Variants in RYR2 observed in about 807,000 individuals in gnomAD.
The protein encoded by RYR2 is ryanodine receptor 2.
RYR2 carries 227 observed loss-of-function variants against 601.1 expected under a neutral mutation model. The ratio of observed to expected loss-of-function variants is 0.38; its 90% CI spans 0.34 to 0.42. The LOEUF (loss-of-function observed/expected upper bound fraction) is 0.42. Among genes scored for constraint, RYR2 ranks in the 10% least tolerant of loss-of-function variants. RYR2 has a pLI of 1.00. For synonymous variants in RYR2, 2,223 were observed against 2,175.1 expected (o/e 1.02, Z -0.61); for missense variants, 4,646 against 6,156.5 (o/e 0.75, Z 8.21).
At chr1:237,195,143 C>T (rs1050794003) in intron 1 of RYR2, among the ~76,000 whole-genome samples, 8 of 152,068 alleles carry the variant, frequency 5.3e-5, no homozygotes, top group South Asian at 2.1e-4. Context: ...AAAAGTTGAA[C>T]GTGCTCATTG....
At chr1:237,550,086 G>A (rs1176748846) in intron 26 of RYR2, among the ~76,000 whole-genome samples, 1 of 152,182 alleles carries the variant, frequency 6.6e-6, no homozygotes, top group Non-Finnish European at 1.5e-5. Context: ...GGACATAGAA[G>A]GGTGGTCCAT....
At chr1:237,547,474 C>T (rs1256259940) in intron 25 of RYR2, among the ~76,000 whole-genome samples, 1 of 152,072 alleles carries the variant, frequency 6.6e-6, no homozygotes, top group African/African-American at 2.4e-5. Flanking sequence ...AGGCTGTTAT[C>T]TGCTGGGAAC....
chr1:237,566,200 G>A (rs180880496), intron 27 of RYR2, among the ~76,000 whole-genome samples: 4 of 152,082 alleles, frequency 2.6e-5, no homozygotes, highest in African/African-American at 4.8e-5. Flanking sequence ...AGAGCAGTTC[G>A]GATCTTTTTT....
intron 93 of RYR2, 54 bp downstream of exon 93, chr1:237,791,569 A>C (rs1658382248): frequency 5.5e-6 from 5 of 914,038 alleles, no homozygotes; most frequent in Non-Finnish European, 8.8e-6. Context: ...ATAGAAATGA[A>C]TGTAAAGATT....
intron 3 of RYR2, among the ~76,000 whole-genome samples, chr1:237,337,939 T>G (rs58201575): frequency 0.14 from 21,432 of 152,114 alleles, 1,728 homozygotes; most frequent in East Asian, 0.34. Flanking sequence ...CAATCTCCAT[T>G]GGCTAAAATC....
In RYR2 at chr1:237,503,336, C is replaced by T. The variant is rs537596448; in HGVS notation, c.2444C>T (p.Pro815Leu). ...CGACATGGAGAATTCAAATTTCTTC[C>T]TCCACCTGGGTATGCTCCTTGTTAT... ...GGRHGEFKFL[P>L]PPGYAPCYEA... The change falls in exon 22 of 105, where the codon CCT (proline) becomes CTT (leucine). Residue 815 changes from proline to leucine, a missense_variant. Pro to Leu is a moderately conservative substitution (Grantham distance 98). Coordinates refer to ENST00000366574, the MANE Select transcript of RYR2 (RefSeq NM_001035.3). 8 of 1,613,618 alleles carry T rather than the reference C, an allele frequency of 5.0e-6. No homozygotes were observed. Among genetic ancestry groups the T allele is most frequent in the Non-Finnish European group, 6.8e-6 (8 of 1,179,790 alleles).
At position 237,485,065 on chromosome 1, in the gene RYR2, A is replaced by G. The variant is rs192944665; in HGVS notation, c.1709-6741A>G. On this transcript the variant is annotated intron_variant, in intron 17 of 104. Transcript: ENST00000366574. ...GCACAGAAATTTGCCGAATTCACCA[A>G]GTAAAATTTTTCCTCAAATTGAAAC... Among the ~76,000 whole-genome samples the G allele has an allele frequency of 3.3e-5, 5 of 152,338 alleles. No individual in the cohort carries two copies. The East Asian group carries it at 9.6e-4, about 29-fold the overall frequency.
chr1:237,110,285 TAA>T (rs1558251500), intron 1 of RYR2, among the ~76,000 whole-genome samples: 6 of 151,776 alleles, frequency 4.0e-5, no homozygotes, highest in Non-Finnish European at 8.8e-5. Context: ...TTTCTTTTTT[TAA>T]AAGTTTTAGG....
At chr1:237,711,076 C>T (rs1281424543) in intron 70 of RYR2, among the ~76,000 whole-genome samples, 2 of 152,096 alleles carry the variant, frequency 1.3e-5, no homozygotes, top group African/African-American at 2.4e-5. Flanking sequence ...GCCGAAGAAG[C>T]GTCTTTAGAT....
At chr1:237,561,395 G>A (rs1322939324) in intron 27 of RYR2, among the ~76,000 whole-genome samples, 1 of 152,204 alleles carries the variant, frequency 6.6e-6, no homozygotes, top group African/African-American at 2.4e-5. Flanking sequence ...GGAGGAATCA[G>A]TAAAGGGAGA....
At chr1:237,248,288 C>A (rs1195288456) in intron 1 of RYR2, among the ~76,000 whole-genome samples, 1,502 of 90,408 alleles carry the variant, frequency 0.017, 177 homozygotes, top group African/African-American at 0.063. Flanking sequence ...CCCCGCCCCC[C>A]CCCCCCCCCC....
chr1:237,674,285 A>G (rs1414377568), intron 59 of RYR2, 66 bp downstream of exon 59: 11 of 1,261,442 alleles, frequency 8.7e-6, no homozygotes, highest in Non-Finnish European at 1.2e-5. Flanking sequence ...TATCTCCATC[A>G]TATTTAAAGC....
intron 67 of RYR2, among the ~76,000 whole-genome samples, chr1:237,706,473 G>A (rs767963532): frequency 3.3e-5 from 5 of 152,262 alleles, no homozygotes; most frequent in Non-Finnish European, 5.9e-5. Context: ...TCCTGAGGAC[G>A]GAGAGTGCCT....
At chr1:237,397,163 A>G (rs1198224973) in intron 10 of RYR2, among the ~76,000 whole-genome samples, 1 of 151,922 alleles carries the variant, frequency 6.6e-6, no homozygotes, top group Non-Finnish European at 1.5e-5. Context: ...GCTTGAACGC[A>G]GGAGGTGGAG....
chr1:237,660,888 C>A lies in RYR2; in HGVS notation c.8377C>A (p.Arg2793=), dbSNP rs373172640. ...LAWGWRIERT[R]EGDSMALYNR... ...TTGGGGCTGGAGAATTGAAAGAACT[C>A]GGGAGGGAGACAGCATGGCCCTTTA... The change falls in exon 56 of 105, where the codon CGG becomes AGG. Residue 2793 remains arginine, a synonymous_variant. Transcript: ENST00000366574. 1.2e-5 allele frequency: 19 copies of A among 1,537,726 alleles called. 1 individual carries two copies. The Middle Eastern group carries it at 3.2e-3, about 259-fold the overall frequency.
At chr1:237,473,431 CTCTTTCTT>C (rs58358151) in intron 17 of RYR2, among the ~76,000 whole-genome samples, 4,960 of 115,930 alleles carry the variant, frequency 0.043, 141 homozygotes, top group Non-Finnish European at 0.064. Flanking sequence ...CTCTCTCTCT[CTCTTTCTT>C]TCTTTCTTTC....
intron 1 of RYR2, among the ~76,000 whole-genome samples, chr1:237,204,677 G>C (rs1681596148): frequency 6.6e-6 from 1 of 152,014 alleles, no homozygotes; most frequent in African/African-American, 2.4e-5. Context: ...ATATTGGCGG[G>C]GTTTTAAAGC....
At chr1:237,796,110 G>A (rs958221879) in intron 96 of RYR2, among the ~76,000 whole-genome samples, 3 of 151,750 alleles carry the variant, frequency 2.0e-5, no homozygotes, top group South Asian at 2.1e-4. Flanking sequence ...TTGTTCCCTC[G>A]TGACCTGGCA....
chr1:237,088,035 T>C (rs1343515713), intron 1 of RYR2, among the ~76,000 whole-genome samples: 4 of 152,248 alleles, frequency 2.6e-5, no homozygotes, highest in Non-Finnish European at 5.9e-5. Flanking sequence ...AATGAAATGC[T>C]GACTGCACTT....
Sources: gnomAD v4.1 joint callset for allele counts (sites outside exome capture counted in the v4.1 genomes callset) on GRCh38, gnomAD v4.1.1 for gene constraint, MANE v1.5 for transcripts, NCBI Gene and HGNC (gene_info 2026-07-23, HGNC 2026-07-21) for gene names.